CFAP97: variants seen among roughly 807,000 people sequenced by gnomAD.
The protein encoded by CFAP97 is cilia- and flagella-associated protein 97.
A neutral mutation model predicts 43.1 loss-of-function variants in CFAP97; 36 were observed. The ratio of observed to expected loss-of-function variants is 0.84; its 90% CI spans 0.64 to 1.10. The LOEUF is 1.10. Among genes scored for constraint, CFAP97 ranks in the 50% least tolerant of loss-of-function variants. CFAP97 has a pLI of 0.00. For synonymous variants in CFAP97, 228 were observed against 225.7 expected, an observed-to-expected ratio of 1.01 and a Z score of -0.09; for missense variants, 657 against 620.3, an observed-to-expected ratio of 1.06 and a Z score of -0.63.
intron 2 of CFAP97, among the ~76,000 whole-genome samples, chr4:185,188,879 T>C (rs1184326157): frequency 6.6e-6 from 1 of 151,478 alleles, no homozygotes; most frequent in Non-Finnish European, 1.5e-5. Flanking sequence ...CTCTAAACAA[T>C]CAATAGGTAC....
chr4:185,195,283 G>A (rs573148821), intron 1 of CFAP97, among the ~76,000 whole-genome samples: 5 of 152,202 alleles, frequency 3.3e-5, no homozygotes, highest in African/African-American at 1.2e-4. Flanking sequence ...GAGCCCAGGA[G>A]TTCCAGACCA....
upstream of CFAP97, among the ~76,000 whole-genome samples, chr4:185,205,861 A>G (rs1737166695): frequency 6.6e-6 from 1 of 152,236 alleles, no homozygotes; most frequent in Non-Finnish European, 1.5e-5. Context: ...TCAAAAGTTT[A>G]TCTTACAAAG....
At chr4:185,164,896 T>G (rs1735009067) in intron 3 of CFAP97, among the ~76,000 whole-genome samples, 1 of 152,238 alleles carries the variant, frequency 6.6e-6, no homozygotes, top group South Asian at 2.1e-4. Context: ...CTACTACAGA[T>G]TCTCCACATG....
chr4:185,204,178 G>A (rs1435289172), upstream of CFAP97: 1 of 152,180 alleles, frequency 6.6e-6, no homozygotes, highest in Non-Finnish European at 1.5e-5. Context: ...CACTAGAAGA[G>A]CCGCGGAAGA....
intron 2 of CFAP97, among the ~76,000 whole-genome samples, chr4:185,179,467 G>T (rs937706379): frequency 6.6e-6 from 1 of 152,126 alleles, no homozygotes; most frequent in Non-Finnish European, 1.5e-5. Flanking sequence ...TTTGAGGCTA[G>T]GTCATAAAAG....
chr4:185,160,731 A>T lies in CFAP97; in HGVS notation c.*2067T>A, dbSNP rs968633965. 1.3e-5 allele frequency: 2 copies of T among 151,678 alleles called. No homozygotes were observed. Among genetic ancestry groups the T allele is most frequent in the Admixed American group, 1.3e-4 (2 of 15,220 alleles). 9.4% of individuals were successfully genotyped at this position (151,678 alleles called of 1,614,324 possible). A position where few individuals can be genotyped will look rare whatever the true frequency, so the allele number is the denominator to read the frequency against. ...TAAAATCAAAGTACAGTTGTTATTT[A>T]TAAAACTATTGTGTTGTATCCTGAC... On this transcript the variant is annotated 3_prime_UTR_variant, in exon 5 of 5. Coordinates refer to ENST00000458385, the MANE Select transcript of CFAP97 (RefSeq NM_020827.3).
intron 1 of CFAP97, among the ~76,000 whole-genome samples, chr4:185,201,340 A>AAG (rs1579272762): frequency 6.6e-6 from 1 of 151,794 alleles, no homozygotes; most frequent in East Asian, 1.9e-4. Context: ...AAAAAAAAAA[A>AAG]AAAGTTCTAC....
intron 3 of CFAP97, among the ~76,000 whole-genome samples, chr4:185,166,336 T>C (rs1051054401): frequency 2.6e-5 from 4 of 152,172 alleles, no homozygotes; most frequent in Non-Finnish European, 5.9e-5. Flanking sequence ...TGGGGCCACA[T>C]CTCCAGTGTA....
intron 2 of CFAP97, among the ~76,000 whole-genome samples, chr4:185,188,511 T>C (rs1736100486): frequency 6.6e-6 from 1 of 152,060 alleles, no homozygotes; most frequent in African/African-American, 2.4e-5. Context: ...CTCGGCTCAT[T>C]TTTTGTATTA....
At chr4:185,197,122 A>AG (rs1736589450) in intron 1 of CFAP97, among the ~76,000 whole-genome samples, 1 of 151,214 alleles carries the variant, frequency 6.6e-6, no homozygotes. Flanking sequence ...AAAAAAAAAA[A>AG]AGACATGTAG....
rs372674189 is a variant in CFAP97, at chr4:185,199,278, C to G, written c.-17+4620G>C. On this transcript the variant is annotated intron_variant, in intron 1 of 4. Transcript: ENST00000458385. Reference sequence around the variant, plus strand: ...ATTCCAGCTACTGGGGAAGCTGAGGCTGGAGAATAGGTTGAACCCAGGAGG... The same window carrying G: ...ATTCCAGCTACTGGGGAAGCTGAGGGTGGAGAATAGGTTGAACCCAGGAGG... Among the ~76,000 whole-genome samples the G allele has an allele frequency of 5.2e-3, 791 of 152,214 alleles. 5 individuals carry two copies. The highest frequency in any genetic ancestry group is 0.018 in the African/African-American group (729 of 41,538).
chr4:185,206,552 G>T (rs1031884110), upstream of CFAP97, among the ~76,000 whole-genome samples: 2 of 151,656 alleles, frequency 1.3e-5, no homozygotes, highest in Non-Finnish European at 2.9e-5. Flanking sequence ...CCAGCTACTC[G>T]GGAGGCTGAG....
intron 1 of CFAP97, among the ~76,000 whole-genome samples, chr4:185,196,157 G>C (rs988241776): frequency 2.0e-5 from 3 of 152,156 alleles, no homozygotes; most frequent in Non-Finnish European, 2.9e-5. Flanking sequence ...AACTGACGAA[G>C]TAGAACACAG....
At chr4:185,187,406 AAACT>A (rs1440675074) in intron 2 of CFAP97, among the ~76,000 whole-genome samples, 11 of 152,318 alleles carry the variant, frequency 7.2e-5, no homozygotes, top group East Asian at 3.9e-4. Context: ...ACACACAAGC[AAACT>A]AACTAATTTC....
intron 2 of CFAP97, among the ~76,000 whole-genome samples, chr4:185,182,883 T>G (rs1735857067): frequency 6.6e-6 from 1 of 152,126 alleles, no homozygotes; most frequent in South Asian, 2.1e-4. Context: ...GCGGATCATC[T>G]GAGGTCAGGA....
chr4:185,168,394 G>A (rs1267453621), intron 3 of CFAP97, among the ~76,000 whole-genome samples: 4 of 151,642 alleles, frequency 2.6e-5, no homozygotes, highest in Non-Finnish European at 5.9e-5. Flanking sequence ...ATCACCTGAG[G>A]TCAGGAGTTT....
upstream of CFAP97, among the ~76,000 whole-genome samples, chr4:185,208,107 ATTTAT>A (rs1464494103): frequency 4.6e-5 from 7 of 151,938 alleles, no homozygotes; most frequent in Non-Finnish European, 7.4e-5. Context: ...ATACTGCTTT[ATTTAT>A]TTTATTTTAT....
chr4:185,200,726 G>T (rs1473891106), intron 1 of CFAP97, among the ~76,000 whole-genome samples: 4 of 152,018 alleles, frequency 2.6e-5, no homozygotes, highest in African/African-American at 7.3e-5. Context: ...GGTTGAGGCT[G>T]CAATGACCTG....
At chr4:185,168,433 T>C (rs1410427581) in intron 3 of CFAP97, among the ~76,000 whole-genome samples, 29 of 135,908 alleles carry the variant, frequency 2.1e-4, no homozygotes, top group South Asian at 7.1e-4. Flanking sequence ...ATGGTAAAAC[T>C]CCATCTCTAC....
Sources: gnomAD v4.1 joint callset for allele counts (sites outside exome capture counted in the v4.1 genomes callset) on GRCh38, gnomAD v4.1.1 for gene constraint, MANE v1.5 for transcripts, NCBI Gene and HGNC (gene_info 2026-07-23, HGNC 2026-07-21) for gene names.